HDC: variants seen among roughly 807,000 people sequenced by gnomAD.
HDC encodes the protein histidine decarboxylase.
HDC carries 27 observed loss-of-function variants against 64.4 expected under a neutral mutation model. That is an observed-to-expected ratio of 0.42 (90% confidence interval 0.31 to 0.58). The LOEUF is 0.58. HDC is among the 20% of genes least tolerant of loss of function. The probability of loss-of-function intolerance (pLI) is 0.16; values close to 1 mark genes in which losing one functional copy is unlikely to be tolerated. For missense variants in HDC, 711 were observed against 833.9 expected, an observed-to-expected ratio of 0.85 and a Z score of 1.81; for synonymous variants, 305 against 314.2, an observed-to-expected ratio of 0.97 and a Z score of 0.31.
At chr15:50,250,539 C>G (rs1368564830) in intron 9 of HDC, among the ~76,000 whole-genome samples, 1 of 152,000 alleles carries the variant, frequency 6.6e-6, no homozygotes, top group East Asian at 1.9e-4. Flanking sequence ...AGGAATGAAC[C>G]CCGGGAAGAT....
chr15:50,252,137 C>T (rs540106805), intron 9 of HDC, among the ~76,000 whole-genome samples: 2 of 152,174 alleles, frequency 1.3e-5, no homozygotes, highest in Non-Finnish European at 2.9e-5. Flanking sequence ...AACTGGTCCA[C>T]CTGTGGTAGG....
chr15:50,255,587 G>A (rs994376715), intron 4 of HDC, among the ~76,000 whole-genome samples: 2 of 152,116 alleles, frequency 1.3e-5, no homozygotes, highest in Non-Finnish European at 2.9e-5. Flanking sequence ...CTTGAGTCCA[G>A]GAGTTTGAGA....
At chr15:50,262,834 T>A (rs1231150347) in intron 2 of HDC, among the ~76,000 whole-genome samples, 1 of 152,098 alleles carries the variant, frequency 6.6e-6, no homozygotes. Flanking sequence ...TCTGGCTCCG[T>A]CGTCAGGGCC....
chr15:50,262,112 C>G (rs535453522), intron 2 of HDC, among the ~76,000 whole-genome samples: 1 of 152,048 alleles, frequency 6.6e-6, no homozygotes, highest in Admixed American at 6.6e-5. Flanking sequence ...AACACAAATG[C>G]CCCAAGCAGG....
Position 50,248,694 on chromosome 15 carries a change from G to A in HDC, c.1042-351C>T, listed in dbSNP as rs2045515257. ...AGGGAAATACATTTTTACTCTAAAT[G>A]AATCTTTATTCCTTGAATAGCAGAA... On this transcript the variant is annotated intron_variant, in intron 9 of 11. Transcript: ENST00000267845. The surrounding 1 kb of genome is among the most constrained non-coding windows in gnomAD (Gnocchi z 4.3). Among the ~76,000 whole-genome samples, 1 of 152,192 alleles carries A rather than the reference G, an allele frequency of 6.6e-6. No homozygotes were observed. The highest frequency in any genetic ancestry group is 6.5e-5 in the Admixed American group (1 of 15,278).
chr15:50,259,980 A>G (rs2045681467), intron 2 of HDC, among the ~76,000 whole-genome samples: 1 of 151,728 alleles, frequency 6.6e-6, no homozygotes, highest in South Asian at 2.1e-4. Context: ...AATGAACTTA[A>G]GCTCCAACAT....
Position 50,242,388 on chromosome 15 carries a change from C to G in HDC, c.1861G>C (p.Asp621His). Reference protein sequence around the residue: ...RVRIFSRFPEDMMMLKKSAFK... With the variant: ...RVRIFSRFPEHMMMLKKSAFK... ...GCACTTTTCTTCAGCATCATCATGT[C>G]TTCTGGAAACCTGGAAAAGATTCTG... Residue 621 changes from aspartate to histidine, a missense_variant, in exon 12 of 12, where the codon GAC (aspartate) becomes CAC (histidine). This residue lies in a region of HDC where 483 missense variants were observed against 540.9 expected (regional missense o/e 0.89). Transcript: ENST00000267845. 6.2e-7 allele frequency: 1 copy of G among 1,614,182 alleles called. No individual in the cohort carries two copies. Among genetic ancestry groups the G allele is most frequent in the Non-Finnish European group, 8.5e-7 (1 of 1,180,038 alleles).
At position 50,242,258 on chromosome 15, in the gene HDC, G is replaced by C; in HGVS notation, c.*2C>G. The C allele has an allele frequency of 1.2e-6, 2 of 1,612,820 alleles. No homozygotes were observed. The highest frequency in any genetic ancestry group is 1.7e-6 in the Non-Finnish European group (2 of 1,178,746). On this transcript the variant is annotated 3_prime_UTR_variant, in exon 12 of 12. Coordinates refer to ENST00000267845, the MANE Select transcript of HDC (RefSeq NM_002112.4). ...CTCAGACTCTGGCTGAAGGCCCTGT[G>C]TCTAAACCATGGCCTGCAGAGGGCA... is the stretch of plus-strand genomic sequence containing the variant.
intron 10 of HDC, among the ~76,000 whole-genome samples, chr15:50,245,084 A>ACAGAGCACAGGCAGCACTGCCAC (rs2045461696): frequency 1.3e-5 from 2 of 152,210 alleles, no homozygotes; most frequent in African/African-American, 4.8e-5. Context: ...AGAGGAGAAT[A>ACAGAGCACAGGCAGCACTGCCAC]CAGAGCACAG....
chr15:50,254,587 C>T lies in HDC; in HGVS notation c.519G>A (p.Glu173=). The T allele has an allele frequency of 6.2e-7, 1 of 1,614,244 alleles. No homozygotes were observed. Among genetic ancestry groups the T allele is most frequent in the Non-Finnish European group, 8.5e-7 (1 of 1,180,048 alleles). ...TTAGGCAGGACTCATCAGCATCGGG[C>T]TCAGACGTTTTCATTTCCAGGATTT... is the stretch of plus-strand genomic sequence containing the variant. ...KNKILEMKTS[E]PDADESCLNA... Residue 173 remains glutamate, a synonymous_variant, in exon 5 of 12, where the codon GAG becomes GAA. Coordinates refer to ENST00000267845, the MANE Select transcript of HDC (RefSeq NM_002112.4).
At chr15:50,260,077 A>T (rs1820499447) in intron 2 of HDC, among the ~76,000 whole-genome samples, 1 of 149,990 alleles carries the variant, frequency 6.7e-6, no homozygotes, top group Admixed American at 6.7e-5. Context: ...GCTGGAGTGC[A>T]GCAGCGCCAT....
At chr15:50,265,170 A>C (rs2045751120) in intron 1 of HDC, among the ~76,000 whole-genome samples, 1 of 152,230 alleles carries the variant, frequency 6.6e-6, no homozygotes, top group Non-Finnish European at 1.5e-5. Context: ...ATGAAAGAAC[A>C]CTGCTGATAG....
At chr15:50,257,399 A>C in intron 4 of HDC, 26 bp downstream of exon 4, 1 of 1,614,040 alleles carries the variant, frequency 6.2e-7, no homozygotes, top group African/African-American at 1.3e-5. Flanking sequence ...CCCCCAAGCT[A>C]GGTGAAGCTT....
chr15:50,261,362 A>G (rs1050023653), intron 2 of HDC, among the ~76,000 whole-genome samples: 1 of 152,242 alleles, frequency 6.6e-6, no homozygotes, highest in African/African-American at 2.4e-5. Flanking sequence ...TACATTTTAC[A>G]GAATAAAATC....
At position 50,251,631 on chromosome 15, in the gene HDC, G is replaced by A. The variant is rs571141347; in HGVS notation, c.1041+799C>T. On this transcript the variant is annotated intron_variant, in intron 9 of 11. Transcript: ENST00000267845. ...TGCGGAGTCAATTTGTTAAGAACTCGTTTCCCTCAGGCAAAATACTGGCTG... is the reference window on the plus strand; with the variant it reads ...TGCGGAGTCAATTTGTTAAGAACTCATTTCCCTCAGGCAAAATACTGGCTG... Among the ~76,000 whole-genome samples the A allele has an allele frequency of 1.4e-3, 209 of 152,250 alleles. 1 individual carries two copies. Among genetic ancestry groups the A allele is most frequent in the Admixed American group, 1.9e-3 (29 of 15,286 alleles).
intron 9 of HDC, among the ~76,000 whole-genome samples, chr15:50,250,824 T>C (rs761848819): frequency 6.6e-6 from 1 of 152,202 alleles, no homozygotes; most frequent in Non-Finnish European, 1.5e-5. Context: ...TCTTTACCTC[T>C]AGAGGGTCTT....
Position 50,252,531 on chromosome 15 carries a change from C to T in HDC, c.951-11G>A, listed in dbSNP as rs2045570682. The T allele has an allele frequency of 1.2e-6, 2 of 1,614,066 alleles. No individual in the cohort carries two copies. Among genetic ancestry groups the T allele is most frequent in the Non-Finnish European group, 8.5e-7 (1 of 1,180,028 alleles). ...TACTTGTCCTTGACCCTGTGGGTTT[C>T]CAAATGGGCATTAGTGGCTGAGGTC... On this transcript the variant is annotated splice_polypyrimidine_tract_variant and intron_variant, in intron 8 of 11. Transcript: ENST00000267845.
Position 50,242,418 on chromosome 15 carries a change from TG to T in HDC, c.1830del (p.Arg611GlyfsTer12). ...GGAAACCTGGAAAAGATTCTGACCCTGGAGGAGCCCCCATTCTTCACAGAGG... is the reference window on the plus strand; with the variant it reads ...GGAAACCTGGAAAAGATTCTGACCCTGAGGAGCCCCCATTCTTCACAGAGG... ...TEASVKNGGS[S>X]RVRIFSRFPE... is the part of the protein sequence containing the mutation. On this transcript the variant is annotated frameshift_variant, in exon 12 of 12. Transcript: ENST00000267845. LOFTEE classifies it high-confidence loss of function. 1 of 1,614,186 alleles carries T rather than the reference TG, an allele frequency of 6.2e-7. No homozygotes were observed. Among genetic ancestry groups the T allele is most frequent in the Non-Finnish European group, 8.5e-7 (1 of 1,180,028 alleles).
intron 6 of HDC, 43 bp from the exon 7 acceptor site, chr15:50,253,709 G>T (rs773118199): frequency 6.7e-7 from 1 of 1,498,794 alleles, no homozygotes; most frequent in South Asian, 1.1e-5. Flanking sequence ...GGGTGGGCTC[G>T]TGTGACACAT....
Sources: allele counts gnomAD v4.1 joint callset (sites outside exome capture counted in the v4.1 genomes callset), GRCh38; gene constraint gnomAD v4.1.1; regional missense constraint gnomAD v4.1.1; non-coding constraint Gnocchi (gnomAD v3.1); transcripts MANE v1.5; gene names NCBI Gene and HGNC (gene_info 2026-07-23, HGNC 2026-07-21).